Variants in METTL24 observed in about 807,000 individuals in gnomAD.
METTL24 encodes the protein methyltransferase like 24.
A neutral mutation model predicts 32.7 loss-of-function variants in METTL24; 29 were observed. The observed-to-expected ratio is 0.89, with a 90% CI of 0.66 to 1.21. METTL24 has a LOEUF of 1.21. Ranked by LOEUF, METTL24 falls within the 50% of genes most tolerant of loss-of-function variation. METTL24 has a pLI of 0.00. For missense variants in METTL24, 439 were observed against 468.1 expected, an observed-to-expected ratio of 0.94 and a Z score of 0.57; for synonymous variants, 163 against 179.5, an observed-to-expected ratio of 0.91 and a Z score of 0.73.
chr6:110,261,306 G>A (rs1399851089), intron 4 of METTL24, among the ~76,000 whole-genome samples: 6 of 128,616 alleles, frequency 4.7e-5, no homozygotes, highest in Non-Finnish European at 8.5e-5. Flanking sequence ...AAAAAAGGCA[G>A]GGTTGCAATC....
chr6:110,291,857 A>C (rs956810034), intron 4 of METTL24, among the ~76,000 whole-genome samples: 1 of 152,104 alleles, frequency 6.6e-6, no homozygotes. Flanking sequence ...TCCATCTCCA[A>C]ATTCTCTTGT....
chr6:110,333,255 A>G (rs951896501), intron 1 of METTL24, among the ~76,000 whole-genome samples: 2 of 152,112 alleles, frequency 1.3e-5, no homozygotes, highest in African/African-American at 4.8e-5. Flanking sequence ...CCCATTTCAA[A>G]GATGCTTGGG....
At chr6:110,300,853 A>T (rs182108169) in intron 3 of METTL24, among the ~76,000 whole-genome samples, 19 of 152,358 alleles carry the variant, frequency 1.2e-4, no homozygotes, top group Admixed American at 2.6e-4. Flanking sequence ...AAAAATAAAA[A>T]TCAATACAGT....
Position 110,246,154 on chromosome 6 carries a change from TGGA to T in METTL24, c.890_892del (p.Ile297_His298delinsAsn). On this transcript the variant is annotated inframe_deletion, in exon 5 of 5. Coordinates refer to ENST00000338882, the MANE Select transcript of METTL24 (RefSeq NM_001123364.3). ...GACCTCAAACCCAGGCCAGTGGAGATGGATCTCAAAGATGAGCTGTCCAATCTG... is the reference window on the plus strand; with the variant it reads ...GACCTCAAACCCAGGCCAGTGGAGATTCTCAAAGATGAGCTGTCCAATCTG... 1 of 1,614,204 alleles carries T rather than the reference TGGA, an allele frequency of 6.2e-7. No homozygotes were observed. Among genetic ancestry groups the T allele is most frequent in the Non-Finnish European group, 8.5e-7 (1 of 1,180,030 alleles).
chr6:110,282,334 T>C (rs188637246), intron 4 of METTL24, among the ~76,000 whole-genome samples: 2 of 152,294 alleles, frequency 1.3e-5, no homozygotes, highest in East Asian at 3.9e-4. Context: ...TAATTGTATA[T>C]TGGCCTTAAA....
chr6:110,317,668 A>G (rs760803205), intron 2 of METTL24, among the ~76,000 whole-genome samples: 2 of 152,052 alleles, frequency 1.3e-5, no homozygotes, highest in African/African-American at 2.4e-5. Context: ...GTATCTCCCT[A>G]AACACCTCCA....
chr6:110,338,489 T>C (rs1203994425), intron 1 of METTL24, among the ~76,000 whole-genome samples: 3 of 152,186 alleles, frequency 2.0e-5, no homozygotes. Context: ...CAGAGCAAGA[T>C]TCTGTCTCAA....
chr6:110,320,376 C>T (rs1380017102), intron 2 of METTL24, among the ~76,000 whole-genome samples: 1 of 152,220 alleles, frequency 6.6e-6, no homozygotes, highest in African/African-American at 2.4e-5. Context: ...CCAAAAGCAA[C>T]CATAAAGCTT....
chr6:110,302,437 G>C (rs1771532832), intron 3 of METTL24, among the ~76,000 whole-genome samples: 1 of 125,354 alleles, frequency 8.0e-6, no homozygotes, highest in Non-Finnish European at 1.6e-5. Context: ...ACACACATAT[G>C]TGTATATATA....
chr6:110,309,078 A>G (rs1033148558), intron 3 of METTL24, among the ~76,000 whole-genome samples: 1 of 152,212 alleles, frequency 6.6e-6, no homozygotes, highest in African/African-American at 2.4e-5. Context: ...AGAACTGTAT[A>G]TTTTAAATGG....
chr6:110,354,744 C>A (rs990518479), intron 1 of METTL24, among the ~76,000 whole-genome samples: 1 of 152,206 alleles, frequency 6.6e-6, no homozygotes, highest in African/African-American at 2.4e-5. Flanking sequence ...GATAACTGAT[C>A]TTTCTATAGT....
At position 110,302,608 on chromosome 6, in the gene METTL24, CAT is replaced by C. The variant is rs1235392274; in HGVS notation, c.558-3460_558-3459del. On this transcript the variant is annotated intron_variant, in intron 3 of 4. Coordinates refer to ENST00000338882, the MANE Select transcript of METTL24 (RefSeq NM_001123364.3). ...GTGTATATATACACATATACACACA[CAT>C]ATGTGTATATATATACACATATACA... Among the ~76,000 whole-genome samples, 46 of 122,624 alleles carry C rather than the reference CAT, an allele frequency of 3.8e-4. 2 individuals carry two copies. Among genetic ancestry groups the C allele is most frequent in the African/African-American group, 1.6e-3 (38 of 23,302 alleles). The allele number at this position is 122,624 out of a possible 152,430, so 80.4% of individuals were successfully genotyped here.
chr6:110,309,470 T>A (rs1175095805), intron 3 of METTL24, among the ~76,000 whole-genome samples: 1 of 152,200 alleles, frequency 6.6e-6, no homozygotes, highest in Non-Finnish European at 1.5e-5. Flanking sequence ...GGACGATGTA[T>A]TAGTTTGTTT....
At chr6:110,285,113 G>C (rs770165209) in intron 4 of METTL24, among the ~76,000 whole-genome samples, 6 of 152,228 alleles carry the variant, frequency 3.9e-5, no homozygotes, top group Admixed American at 1.3e-4. Flanking sequence ...CACATGGGTG[G>C]TTTTTTCCTG....
chr6:110,356,617 C>G (rs1031840787), intron 1 of METTL24, among the ~76,000 whole-genome samples: 1 of 152,180 alleles, frequency 6.6e-6, no homozygotes, highest in African/African-American at 2.4e-5. Flanking sequence ...GAGCCTCCCC[C>G]ACGAGAATCT....
At chr6:110,253,958 G>A in intron 4 of METTL24, 1 of 1,440,484 alleles carries the variant, frequency 6.9e-7, no homozygotes, top group South Asian at 1.6e-5. Flanking sequence ...ATGGCAAGTG[G>A]GTGAAGGTCC....
intron 4 of METTL24, among the ~76,000 whole-genome samples, chr6:110,277,625 C>A (rs1421176013): frequency 6.6e-6 from 1 of 152,142 alleles, no homozygotes; most frequent in East Asian, 1.9e-4. Context: ...GTAAAGAAAT[C>A]TTTGTCAGGA....
At chr6:110,349,462 A>G (rs1201793026) in intron 1 of METTL24, among the ~76,000 whole-genome samples, 1 of 152,218 alleles carries the variant, frequency 6.6e-6, no homozygotes, top group East Asian at 1.9e-4. Flanking sequence ...TATCTGGCAC[A>G]AGCAAGAAAT....
intron 1 of METTL24, among the ~76,000 whole-genome samples, chr6:110,334,349 C>T (rs9320325): frequency 0.26 from 39,663 of 152,016 alleles, 6,867 homozygotes; most frequent in African/African-American, 0.47. Context: ...AGAACATGGA[C>T]CGTGGCAGAA....
Sources: allele counts gnomAD v4.1 joint callset (sites outside exome capture counted in the v4.1 genomes callset), GRCh38; gene constraint gnomAD v4.1.1; transcripts MANE v1.5; gene names NCBI Gene and HGNC (gene_info 2026-07-23, HGNC 2026-07-21).